Variants in HDAC1 observed in about 807,000 individuals in gnomAD.
HDAC1 encodes the protein histone deacetylase 1, also known as protein deacetylase HDAC1.
Under a neutral mutation model 65.5 loss-of-function variants are expected in HDAC1, and 18 were observed. That is an observed-to-expected ratio of 0.27 (90% CI 0.19 to 0.41). The LOEUF (loss-of-function observed/expected upper bound fraction) is 0.41, where lower values mean the gene tolerates loss of function less well. Ranked by LOEUF, HDAC1 falls within the 10% of genes least tolerant of loss-of-function variation. The pLI, the probability that HDAC1 is intolerant of heterozygous loss-of-function variation, is 1.00. For missense variants in HDAC1, 373 were observed against 625.2 expected, an observed-to-expected ratio of 0.60 and a Z score of 4.30; for synonymous variants, 211 against 227.9, an observed-to-expected ratio of 0.93 and a Z score of 0.67.
At position 32,324,703 on chromosome 1, in the gene HDAC1, C is replaced by T. The variant is rs1183523514; in HGVS notation, c.355+150C>T. On this transcript the variant is annotated intron_variant, in intron 4 of 13. Coordinates refer to ENST00000373548, the MANE Select transcript of HDAC1 (RefSeq NM_004964.3). ...GTCTCTAAAATGGCTGGTGTAGTGTCTCACACCTGTAATCCCAGCACTTTG... is the reference window on the plus strand; with the variant it reads ...GTCTCTAAAATGGCTGGTGTAGTGTTTCACACCTGTAATCCCAGCACTTTG... 18 of 651,362 alleles carry T rather than the reference C, an allele frequency of 2.8e-5. No homozygotes were observed. In the East Asian group the frequency reaches 3.1e-4, roughly 11 times the overall value. 40.3% of individuals were successfully genotyped at this position (651,362 alleles called of 1,614,324 possible).
At chr1:32,310,179 C>T (rs2148061876) in intron 2 of HDAC1, among the ~76,000 whole-genome samples, 1 of 152,274 alleles carries the variant, frequency 6.6e-6, no homozygotes, top group South Asian at 2.1e-4. Context: ...CTCTGCTCAC[C>T]AGTGTTTTGT....
intron 3 of HDAC1, among the ~76,000 whole-genome samples, chr1:32,323,448 A>G (rs1368180641): frequency 6.6e-6 from 1 of 151,926 alleles, no homozygotes; most frequent in Admixed American, 6.6e-5. Context: ...CCCAGGCTGG[A>G]GTGCAGTTGC....
At chr1:32,325,883 C>G (rs533120978) in intron 4 of HDAC1, among the ~76,000 whole-genome samples, 2 of 151,782 alleles carry the variant, frequency 1.3e-5, no homozygotes, top group Non-Finnish European at 2.9e-5. Context: ...AAAAATTAGC[C>G]GGGCGTGGTG....
rs1570044169 is a variant in HDAC1 at position 32,332,611 on chromosome 1, T to C, written c.1373-90T>C. 1.1e-5 allele frequency: 10 copies of C among 898,548 alleles called. No homozygotes were observed. The South Asian group carries it at 1.2e-4, about 10-fold the overall frequency. The allele number at this position is 898,548 out of a possible 1,614,324, so 55.7% of individuals were successfully genotyped here. A position where few individuals can be genotyped will look rare whatever the true frequency, so the allele number is the denominator to read the frequency against. ...TCTCTTTATGTCCAGTGAGCTGTAG[T>C]GTTGGGGAAGGGGTCTCAGGGTAAA... is the stretch of plus-strand genomic sequence containing the variant. On this transcript the variant is annotated intron_variant, in intron 12 of 13. Transcript: ENST00000373548.
At chr1:32,297,331 C>T (rs961348964) in intron 1 of HDAC1, among the ~76,000 whole-genome samples, 6 of 152,144 alleles carry the variant, frequency 3.9e-5, no homozygotes, top group Non-Finnish European at 5.9e-5. Flanking sequence ...CACTTGAGAC[C>T]AGGCGTTCAA....
chr1:32,301,228 C>G (rs1307033139), intron 1 of HDAC1, among the ~76,000 whole-genome samples: 1 of 145,526 alleles, frequency 6.9e-6, no homozygotes, highest in Non-Finnish European at 1.5e-5. Flanking sequence ...GGGCAGATCA[C>G]AAGGTCAGGA....
At chr1:32,319,196 G>A (rs375705540) in intron 3 of HDAC1, among the ~76,000 whole-genome samples, 8 of 152,184 alleles carry the variant, frequency 5.3e-5, no homozygotes, top group African/African-American at 1.9e-4. Context: ...CTTGAGCCCA[G>A]GAGTTCAAGG....
intron 1 of HDAC1, among the ~76,000 whole-genome samples, chr1:32,300,508 A>T (rs549125563): frequency 3.9e-5 from 6 of 152,126 alleles, no homozygotes; most frequent in Non-Finnish European, 7.4e-5. Context: ...TGAGCCGCCG[A>T]GATAGTACCA....
intron 2 of HDAC1, among the ~76,000 whole-genome samples, chr1:32,306,360 G>A (rs1160853035): frequency 6.6e-6 from 1 of 151,956 alleles, no homozygotes; most frequent in African/African-American, 2.4e-5. Context: ...GTTTCTCCAC[G>A]TTGGTCAGGC....
intron 2 of HDAC1, among the ~76,000 whole-genome samples, chr1:32,303,937 C>A (rs1469257121): frequency 6.6e-6 from 1 of 152,170 alleles, no homozygotes; most frequent in East Asian, 1.9e-4. Flanking sequence ...CACATTAGTA[C>A]ATCTGTAGAC....
intron 2 of HDAC1, among the ~76,000 whole-genome samples, chr1:32,308,157 T>C (rs1640937122): frequency 1.3e-5 from 2 of 152,110 alleles, no homozygotes; most frequent in African/African-American, 4.8e-5. Flanking sequence ...CCATCTCTAC[T>C]AAAAATACAA....
chr1:32,328,958 TG>T, intron 6 of HDAC1, 109 bp from the exon 7 acceptor site: 1 of 761,214 alleles, frequency 1.3e-6, no homozygotes, highest in Non-Finnish European at 2.4e-6. Flanking sequence ...GCCCACATCA[TG>T]GGCCTAGCTT....
At chr1:32,297,167 C>T (rs1293032930) in intron 1 of HDAC1, among the ~76,000 whole-genome samples, 1 of 152,082 alleles carries the variant, frequency 6.6e-6, no homozygotes, top group Admixed American at 6.6e-5. Flanking sequence ...CATTTTGAGG[C>T]TGGAACCTGT....
At chr1:32,313,804 T>C (rs115144342) in intron 2 of HDAC1, among the ~76,000 whole-genome samples, 1 of 152,266 alleles carries the variant, frequency 6.6e-6, no homozygotes, top group African/African-American at 2.4e-5. Context: ...GTGAGGTGAG[T>C]TGGCATGTTT....
At chr1:32,299,307 T>C (rs1308768782) in intron 1 of HDAC1, among the ~76,000 whole-genome samples, 1 of 151,908 alleles carries the variant, frequency 6.6e-6, no homozygotes, top group Non-Finnish European at 1.5e-5. Context: ...TGGCCTGCAC[T>C]GTTGGAGGCT....
In HDAC1 at chr1:32,329,191, A is replaced by G; in HGVS notation, c.729+31A>G. ...TGGCTTTATCCACCCCTTGGGCTAC[A>G]AACAGGGGATTGGTTGGCGGTGGAG... On this transcript the variant is annotated intron_variant, in intron 7 of 13. Transcript: ENST00000373548. This position sits in a 1 kb window ranked among gnomAD's most constrained non-coding sequence, Gnocchi z 4.1. 1 of 1,339,338 alleles carries G rather than the reference A, an allele frequency of 7.5e-7. No homozygotes were observed. The highest frequency in any genetic ancestry group is 1.1e-6 in the Non-Finnish European group (1 of 928,994). 83.0% of individuals were successfully genotyped at this position (1,339,338 alleles called of 1,614,324 possible).
chr1:32,328,997 C>T (rs1641255901), intron 6 of HDAC1, 71 bp from the exon 7 acceptor site: 1 of 930,822 alleles, frequency 1.1e-6, no homozygotes, highest in African/African-American at 1.6e-5. Flanking sequence ...TCCTTTATCC[C>T]TCCAGCCCCT....
At chr1:32,319,768 T>C (rs1641114047) in intron 3 of HDAC1, among the ~76,000 whole-genome samples, 1 of 151,994 alleles carries the variant, frequency 6.6e-6, no homozygotes, top group Non-Finnish European at 1.5e-5. Flanking sequence ...AAAAAATTAG[T>C]TGTGTATGGT....
Position 32,302,630 on chromosome 1 carries a change from G to A in HDAC1, c.59G>A (p.Gly20Glu). ...KVCYYYDGDV[G>E]NYYYGQGHPM... ...ACTCTCTCTTCTTCAGGGGATGTTG[G>A]AAATTACTATTATGGACAAGGCCAC... is the stretch of plus-strand genomic sequence containing the variant. Residue 20 changes from glycine to glutamate, a missense_variant, in exon 2 of 14, where the codon GGA becomes GAA. Transcript: ENST00000373548. The A allele has an allele frequency of 6.4e-7, 1 of 1,555,684 alleles. No homozygotes were observed. Among genetic ancestry groups the A allele is most frequent in the Non-Finnish European group, 8.9e-7 (1 of 1,126,734 alleles).
Sources: allele counts gnomAD v4.1 joint callset (sites outside exome capture counted in the v4.1 genomes callset), GRCh38; gene constraint gnomAD v4.1.1; non-coding constraint Gnocchi (gnomAD v3.1); transcripts MANE v1.5; gene names NCBI Gene and HGNC (gene_info 2026-07-23, HGNC 2026-07-21).